The following BMPR1B variants were observed in gnomAD, a reference collection of about 807,000 sequenced individuals.
BMPR1B encodes bone morphogenetic protein receptor type-1B.
A neutral mutation model predicts 59.1 loss-of-function variants in BMPR1B; 12 were observed. The observed-to-expected ratio is 0.20, with a 90% CI of 0.13 to 0.33. The LOEUF is 0.33. Among genes scored for constraint, BMPR1B ranks in the 10% least tolerant of loss-of-function variants. BMPR1B has a pLI of 1.00. For missense variants in BMPR1B, 550 were observed against 610.9 expected (o/e 0.90, Z 1.05); for synonymous variants, 237 against 207.3 (o/e 1.14, Z -1.23).
chr4:95,123,917 A>G lies in BMPR1B; in HGVS notation c.446+11A>G, dbSNP rs2149290967. The G allele has an allele frequency of 1.3e-6, 2 of 1,588,238 alleles. No individual in the cohort carries two copies. Among genetic ancestry groups the G allele is most frequent in the Non-Finnish European group, 1.7e-6 (2 of 1,158,842 alleles). On this transcript the variant is annotated intron_variant, in intron 7 of 12. Transcript: ENST00000515059. ...ATTTTGTTACTTCCGGTAAGTTTCT[A>G]ACATGTAGATGCAAAATTTTTAATT...
At chr4:95,059,058 T>C (rs1727144792) in intron 3 of BMPR1B, among the ~76,000 whole-genome samples, 1 of 152,184 alleles carries the variant, frequency 6.6e-6, no homozygotes, top group African/African-American at 2.4e-5. Flanking sequence ...CATGAAATAA[T>C]GGCTGATTTG....
intron 2 of BMPR1B, among the ~76,000 whole-genome samples, chr4:94,980,390 C>T (rs540141056): frequency 3.3e-5 from 5 of 152,248 alleles, no homozygotes; most frequent in African/African-American, 4.8e-5. Flanking sequence ...CTGTGATATA[C>T]AACAGGTCCT....
At chr4:94,770,186 GTTT>G (rs56902521) in intron 1 of BMPR1B, among the ~76,000 whole-genome samples, 1 of 54,138 alleles carries the variant, frequency 1.8e-5, no homozygotes, top group Non-Finnish European at 3.6e-5. Context: ...TTCTGTGTTT[GTTT>G]TTTTTTTTTT....
At chr4:94,956,610 T>C (rs1313110505) in intron 2 of BMPR1B, among the ~76,000 whole-genome samples, 2 of 152,184 alleles carry the variant, frequency 1.3e-5, no homozygotes, top group Non-Finnish European at 2.9e-5. Flanking sequence ...GAGTTCTGCA[T>C]TTAATTTCTA....
At position 95,155,540 on chromosome 4, in the gene BMPR1B, G is replaced by C. The variant is rs1270106641; in HGVS notation, c.*867G>C. Reference sequence around the variant, plus strand: ...AGAGGATTGACCTGTGCATGCTTTTGATCTCTCATTCAAAGGATCAATATT... The same window carrying C: ...AGAGGATTGACCTGTGCATGCTTTTCATCTCTCATTCAAAGGATCAATATT... On this transcript the variant is annotated 3_prime_UTR_variant, in exon 13 of 13. Transcript: ENST00000515059. 5 of 92,290 alleles carry C rather than the reference G, an allele frequency of 5.4e-5. No individual in the cohort carries two copies. The highest frequency in any genetic ancestry group is 1.0e-4 in the Non-Finnish European group (5 of 50,230). The allele number at this position is 92,290 out of a possible 1,614,324, so 5.7% of individuals were successfully genotyped here.
intron 10 of BMPR1B, among the ~76,000 whole-genome samples, chr4:95,146,332 A>C (rs1734639348): frequency 6.6e-6 from 1 of 152,174 alleles, no homozygotes; most frequent in Non-Finnish European, 1.5e-5. Context: ...GCAGTGTTTG[A>C]GAAAAAGAAT....
rs544089113 is a variant in BMPR1B at position 95,153,698 on chromosome 4, A to G, written c.1384-850A>G. On this transcript the variant is annotated intron_variant, in intron 12 of 12. Transcript: ENST00000515059. ...AACCCATCTCTATTAAAAAATACAA[A>G]CAATAGCCTAGTGTGTTGGTGCACA... 4.3e-3 allele frequency among the ~76,000 whole-genome samples: 656 copies of G among 152,204 alleles called. 5 individuals carry two copies. Among genetic ancestry groups the G allele is most frequent in the African/African-American group, 0.015 (627 of 41,514 alleles).
intron 2 of BMPR1B, among the ~76,000 whole-genome samples, chr4:94,942,105 A>G (rs946401803): frequency 6.6e-5 from 10 of 152,236 alleles, no homozygotes; most frequent in Non-Finnish European, 2.9e-5. Flanking sequence ...ATTGTTTTGC[A>G]TGTAGCACTG....
chr4:94,965,042 T>C (rs959824714), intron 2 of BMPR1B, among the ~76,000 whole-genome samples: 2 of 152,144 alleles, frequency 1.3e-5, no homozygotes, highest in Non-Finnish European at 2.9e-5. Flanking sequence ...TCTATCACTT[T>C]ATTGTCCACA....
At chr4:95,003,955 G>A (rs1722643088) in intron 3 of BMPR1B, among the ~76,000 whole-genome samples, 1 of 151,744 alleles carries the variant, frequency 6.6e-6, no homozygotes, top group African/African-American at 2.4e-5. Context: ...CTACAGGTGT[G>A]TGCCACCATG....
chr4:94,832,655 C>T (rs979216611), intron 1 of BMPR1B, among the ~76,000 whole-genome samples: 6 of 152,000 alleles, frequency 3.9e-5, no homozygotes, highest in African/African-American at 9.7e-5. Context: ...TGGTGGTGTA[C>T]GCCTGTAATC....
At chr4:94,780,762 C>T (rs1722558771) in intron 1 of BMPR1B, among the ~76,000 whole-genome samples, 1 of 147,614 alleles carries the variant, frequency 6.8e-6, no homozygotes, top group Non-Finnish European at 1.5e-5. Context: ...CATCTCAGCT[C>T]ACTGCAAGCT....
intron 2 of BMPR1B, among the ~76,000 whole-genome samples, chr4:94,942,921 A>G (rs568912360): frequency 6.6e-6 from 1 of 152,346 alleles, no homozygotes; most frequent in South Asian, 2.1e-4. Flanking sequence ...CATATACATG[A>G]TACTGTATTG....
rs927228920 is a variant in BMPR1B at position 95,154,908 on chromosome 4, G to T, written c.*235G>T. The T allele has an allele frequency of 1.9e-6, 1 of 514,268 alleles. No individual in the cohort carries two copies. Among genetic ancestry groups the T allele is most frequent in the South Asian group, 2.2e-5 (1 of 44,956 alleles). 31.9% of individuals were successfully genotyped at this position (514,268 alleles called of 1,614,324 possible). ...GACGGAGAAACCGCTTGGGTAACTT[G>T]TTCAAGATATGATGCATGTTGCTTT... is the stretch of plus-strand genomic sequence containing the variant. On this transcript the variant is annotated 3_prime_UTR_variant, in exon 13 of 13. Transcript: ENST00000515059.
At chr4:94,945,760 A>G (rs949930750) in intron 2 of BMPR1B, among the ~76,000 whole-genome samples, 1 of 152,226 alleles carries the variant, frequency 6.6e-6, no homozygotes, top group Non-Finnish European at 1.5e-5. Flanking sequence ...CATATAAGTT[A>G]TATTTTTGTG....
At chr4:94,904,236 A>G in intron 2 of BMPR1B, among the ~76,000 whole-genome samples, 1 of 152,166 alleles carries the variant, frequency 6.6e-6, no homozygotes, top group East Asian at 1.9e-4. Context: ...GTTCCGTTGC[A>G]TAAGAACATT....
At chr4:95,036,395 C>G (rs1360989417) in intron 3 of BMPR1B, among the ~76,000 whole-genome samples, 1 of 152,118 alleles carries the variant, frequency 6.6e-6, no homozygotes, top group Non-Finnish European at 1.5e-5. Flanking sequence ...AACAAACATC[C>G]TATACCCTTT....
chr4:95,139,524 A>G (rs533785451), intron 10 of BMPR1B, among the ~76,000 whole-genome samples: 10 of 152,212 alleles, frequency 6.6e-5, no homozygotes, highest in Non-Finnish European at 1.5e-4. Context: ...TGGAGTCTAC[A>G]GAGGCAGGCA....
At chr4:95,009,504 A>G (rs1560593402) in intron 3 of BMPR1B, among the ~76,000 whole-genome samples, 1 of 152,164 alleles carries the variant, frequency 6.6e-6, no homozygotes, top group Non-Finnish European at 1.5e-5. Flanking sequence ...ACAATTTTGG[A>G]TGAAAAAAGC....
Sources: allele counts gnomAD v4.1 joint callset (sites outside exome capture counted in the v4.1 genomes callset), GRCh38; gene constraint gnomAD v4.1.1; transcripts MANE v1.5; gene names NCBI Gene and HGNC (gene_info 2026-07-23, HGNC 2026-07-21).